The following CALHM4 variants were observed in gnomAD, a reference collection of about 807,000 sequenced individuals.
CALHM4 encodes the protein calcium homeostasis modulator protein 4.
CALHM4 carries 16 observed loss-of-function variants against 13.3 expected under a neutral mutation model. That is an observed-to-expected ratio of 1.20 (90% confidence interval 0.81 to 1.82). The LOEUF (loss-of-function observed/expected upper bound fraction) is 1.82. CALHM4 is among the 40% of genes most tolerant of loss of function. The pLI is 0.00. For missense variants in CALHM4, 344 were observed against 374.9 expected, an observed-to-expected ratio of 0.92 and a Z score of 0.68; for synonymous variants, 127 against 137.1, an observed-to-expected ratio of 0.93 and a Z score of 0.52.
intron 2 of CALHM4, chr6:116,543,907 G>A: frequency 7.5e-6 from 11 of 1,459,106 alleles, no homozygotes; most frequent in Non-Finnish European, 1.0e-5. Flanking sequence ...GAGAAAAAAG[G>A]GGAATGTGAT....
intron 1 of CALHM4, among the ~76,000 whole-genome samples, chr6:116,555,740 T>C (rs1452181914): frequency 1.3e-5 from 2 of 152,208 alleles, no homozygotes; most frequent in East Asian, 1.9e-4. Context: ...ATTTCAAGAA[T>C]ATACATTATT....
At position 116,560,673 on chromosome 6, in the gene CALHM4, T is replaced by G. The variant is rs1013379291; in HGVS notation, c.*2462T>G. On this transcript the variant is annotated 3_prime_UTR_variant, in exon 2 of 2. Coordinates refer to ENST00000368596, the MANE Select transcript of CALHM4 (RefSeq NM_001366078.2). ...TTTGGGGGGGGGGGGGGCTATGGTC[T>G]ATAGCATTTTTTTGCTCCACAGCTA... Among the ~76,000 whole-genome samples, 2 of 147,982 alleles carry G rather than the reference T, an allele frequency of 1.4e-5. No individual in the cohort carries two copies. Among genetic ancestry groups the G allele is most frequent in the East Asian group, 2.0e-4 (1 of 4,918 alleles).
intron 1 of CALHM4, among the ~76,000 whole-genome samples, chr6:116,538,813 C>T (rs975319777): frequency 1.3e-5 from 2 of 151,502 alleles, no homozygotes; most frequent in African/African-American, 4.9e-5. Context: ...CTCACTGTAA[C>T]CTTCACCTCC....
intron 2 of CALHM4, chr6:116,545,646 T>A: frequency 1.5e-6 from 1 of 653,088 alleles, no homozygotes; most frequent in Non-Finnish European, 2.5e-6. Context: ...GTGCTGCTTC[T>A]GCACTCTGCT....
intron 1 of CALHM4, among the ~76,000 whole-genome samples, chr6:116,532,576 T>C (rs1160225569): frequency 6.6e-6 from 1 of 152,230 alleles, no homozygotes; most frequent in Non-Finnish European, 1.5e-5. Context: ...CACTGGCTAA[T>C]ACAATAAAGA....
intron 1 of CALHM4, among the ~76,000 whole-genome samples, chr6:116,531,617 G>A (rs1434937316): frequency 6.6e-6 from 1 of 152,040 alleles, no homozygotes; most frequent in Admixed American, 6.6e-5. Flanking sequence ...TAAACCAAAT[G>A]CTGGTAACCT....
At chr6:116,547,303 G>A (rs1773840890) in intron 2 of CALHM4, among the ~76,000 whole-genome samples, 1 of 152,178 alleles carries the variant, frequency 6.6e-6, no homozygotes, top group African/African-American at 2.4e-5. Context: ...GCTGCGAGGT[G>A]ATGGCGGTAC....
At chr6:116,540,456 G>A (rs1336471306) in intron 1 of CALHM4, 20 of 1,551,170 alleles carry the variant, frequency 1.3e-5, no homozygotes, top group South Asian at 7.1e-5. Context: ...TTCCAATGCC[G>A]TAACCCCTGT....
At chr6:116,556,071 G>GTTGAGA (rs1774302865) in intron 1 of CALHM4, among the ~76,000 whole-genome samples, 1 of 152,190 alleles carries the variant, frequency 6.6e-6, no homozygotes, top group Admixed American at 6.5e-5. Flanking sequence ...ATGTGTTGAG[G>GTTGAGA]TTCTGCCAAC....
chr6:116,535,818 G>A (rs1213236064), intron 1 of CALHM4, among the ~76,000 whole-genome samples: 1 of 152,150 alleles, frequency 6.6e-6, no homozygotes, highest in East Asian at 1.9e-4. Context: ...CAATTAGTTT[G>A]TGGAAAAAAC....
chr6:116,537,648 G>A (rs766605477), intron 1 of CALHM4, among the ~76,000 whole-genome samples: 14 of 152,066 alleles, frequency 9.2e-5, no homozygotes, highest in Non-Finnish European at 1.6e-4. Context: ...AAGGTAAAGC[G>A]AGTAGTTCCT....
intron 1 of CALHM4, among the ~76,000 whole-genome samples, chr6:116,535,123 A>G (rs1191976562): frequency 6.6e-6 from 1 of 152,220 alleles, no homozygotes; most frequent in Non-Finnish European, 1.5e-5. Context: ...AGGCTTTGGA[A>G]GCTACATTCA....
upstream of CALHM4, among the ~76,000 whole-genome samples, chr6:116,550,576 A>T (rs150691630): frequency 1.3e-5 from 2 of 152,190 alleles, no homozygotes; most frequent in African/African-American, 4.8e-5. Context: ...GTTGAAAAAA[A>T]TTTTTTGTTG....
Position 116,553,961 on chromosome 6 carries a change from T to C in CALHM4, c.168T>C (p.Leu56=), listed in dbSNP as rs1273399416. The C allele has an allele frequency of 3.9e-6, 6 of 1,550,558 alleles. No individual in the cohort carries two copies. The highest frequency in any genetic ancestry group is 4.4e-6 in the Non-Finnish European group (5 of 1,147,006). Residue 56 remains leucine (L), a synonymous_variant, in exon 1 of 2, where the codon CTT becomes CTC. Transcript: ENST00000368596. ...ATTTCTATTATGGTTCTGCTTTTCT[T>C]GTCATTCCTGCCTTGATCCTTCTCG... ...GKNFYYGSAF[L]VIPALILLVA...
At chr6:116,549,596 C>A (rs1465561083), upstream of CALHM4, among the ~76,000 whole-genome samples, 1 of 151,778 alleles carries the variant, frequency 6.6e-6, no homozygotes, top group Admixed American at 6.6e-5. Context: ...AACTCTCAGA[C>A]AAAACTTGCT....
In CALHM4 at chr6:116,557,284, C is replaced by A. The variant is rs951612832; in HGVS notation, c.559-541C>A. Among the ~76,000 whole-genome samples the A allele has an allele frequency of 2.0e-5, 3 of 152,128 alleles. No homozygotes were observed. The East Asian group carries it at 5.8e-4, about 29-fold the overall frequency. ...TTAGAAACATGAGTCTCTTCACTGA[C>A]TTGCTTTTTAGCTGCAAAAGATAAG... is the stretch of plus-strand genomic sequence containing the variant. On this transcript the variant is annotated intron_variant, in intron 1 of 1. Coordinates refer to ENST00000368596, the MANE Select transcript of CALHM4 (RefSeq NM_001366078.2).
rs1216129401 is a variant in CALHM4, at chr6:116,560,663, G to C, written c.*2452G>C. 2.7e-5 allele frequency among the ~76,000 whole-genome samples: 3 copies of C among 111,808 alleles called. No homozygotes were observed. The highest frequency in any genetic ancestry group is 6.6e-5 in the African/African-American group (2 of 30,448). The allele number at this position is 111,808 out of a possible 152,430, so 73.4% of individuals were successfully genotyped here. A position where few individuals can be genotyped will look rare whatever the true frequency, so the allele number is the denominator to read the frequency against. Reference sequence around the variant, plus strand: ...TTTTTAGTATTTTGGGGGGGGGGGGGGCTATGGTCTATAGCATTTTTTTGC... The same window carrying C: ...TTTTTAGTATTTTGGGGGGGGGGGGCGCTATGGTCTATAGCATTTTTTTGC... On this transcript the variant is annotated 3_prime_UTR_variant, in exon 2 of 2. Transcript: ENST00000368596.
intron 2 of CALHM4, among the ~76,000 whole-genome samples, chr6:116,544,240 G>A (rs922672613): frequency 6.6e-6 from 1 of 151,548 alleles, no homozygotes; most frequent in Non-Finnish European, 1.5e-5. Context: ...GAGAAAAGTA[G>A]AAAAAATCAT....
At chr6:116,552,393 A>G (rs1323204350), upstream of CALHM4, among the ~76,000 whole-genome samples, 1 of 152,186 alleles carries the variant, frequency 6.6e-6, no homozygotes, top group Non-Finnish European at 1.5e-5. Flanking sequence ...CTTCAGATAT[A>G]AGAACTTTTC....
Sources: allele counts gnomAD v4.1 joint callset (sites outside exome capture counted in the v4.1 genomes callset), GRCh38; gene constraint gnomAD v4.1.1; transcripts MANE v1.5; gene names NCBI Gene and HGNC (gene_info 2026-07-23, HGNC 2026-07-21).